Variants in CNTN5 observed in about 807,000 individuals in gnomAD.
The protein encoded by CNTN5 is contactin 5, also known as contactin-5.
A neutral mutation model predicts 129.1 loss-of-function variants in CNTN5; 77 were observed. The ratio of observed to expected loss-of-function variants is 0.60; its 90% confidence interval spans 0.50 to 0.72. CNTN5 has a LOEUF of 0.72. CNTN5 is among the 30% of genes least tolerant of loss of function. The probability of loss-of-function intolerance (pLI) is 0.00; values close to 1 mark genes in which losing one functional copy is unlikely to be tolerated. For missense variants in CNTN5, 1,478 were observed against 1,328.8 expected (o/e 1.11, Z -1.75); for synonymous variants, 509 against 465.6 (o/e 1.09, Z -1.20).
chr11:99,440,354 G>A (rs928003675), intron 2 of CNTN5, among the ~76,000 whole-genome samples: 2 of 151,744 alleles, frequency 1.3e-5, no homozygotes, highest in African/African-American at 2.4e-5. Context: ...TGAACTGTTT[G>A]GTTTGAACAT....
intron 20 of CNTN5, among the ~76,000 whole-genome samples, chr11:100,307,220 A>G (rs1951371664): frequency 6.6e-6 from 1 of 151,616 alleles, no homozygotes; most frequent in Non-Finnish European, 1.5e-5. Flanking sequence ...AATCTTTGCT[A>G]TATGGTTCCA....
intron 18 of CNTN5, among the ~76,000 whole-genome samples, chr11:100,287,059 A>C (rs1431709101): frequency 6.6e-6 from 1 of 152,124 alleles, no homozygotes; most frequent in Non-Finnish European, 1.5e-5. Context: ...TTAGAGAAAA[A>C]AGAATAAAAA....
chr11:99,942,549 C>T (rs1950463490), intron 7 of CNTN5, among the ~76,000 whole-genome samples: 1 of 152,082 alleles, frequency 6.6e-6, no homozygotes, highest in Non-Finnish European at 1.5e-5. Context: ...TTCTGGGATA[C>T]ATGTGCAGAA....
chr11:99,527,555 C>A (rs550548918), intron 2 of CNTN5, among the ~76,000 whole-genome samples: 1 of 152,012 alleles, frequency 6.6e-6, no homozygotes, highest in East Asian at 1.9e-4. Context: ...AAAAATAGAG[C>A]AACTTCTCCC....
At chr11:99,238,702 A>T (rs953652589) in intron 1 of CNTN5, among the ~76,000 whole-genome samples, 17 of 152,306 alleles carry the variant, frequency 1.1e-4, no homozygotes, top group Admixed American at 9.1e-4. Context: ...CTCCAAGAAT[A>T]GCATGTTTCT....
chr11:99,957,079 T>C (rs1555166603), intron 8 of CNTN5, 70 bp downstream of exon 8: 5 of 1,063,064 alleles, frequency 4.7e-6, no homozygotes, highest in Non-Finnish European at 6.5e-6. Flanking sequence ...TTAGTGTGTG[T>C]TTTTTTTTTA....
intron 1 of CNTN5, among the ~76,000 whole-genome samples, chr11:99,085,911 T>G (rs2135299328): frequency 6.6e-6 from 1 of 152,264 alleles, no homozygotes; most frequent in Admixed American, 6.5e-5. Context: ...CATATTTAGA[T>G]ATATAAATAC....
At chr11:99,844,714 T>G in intron 4 of CNTN5, 138 bp from the exon 5 acceptor site, 1 of 725,612 alleles carries the variant, frequency 1.4e-6, no homozygotes, top group East Asian at 2.7e-5. Flanking sequence ...TTTCTAGCTA[T>G]TCCTTCTTTT....
intron 2 of CNTN5, among the ~76,000 whole-genome samples, chr11:99,465,234 G>T (rs1944884591): frequency 6.6e-6 from 1 of 152,174 alleles, no homozygotes. Context: ...TTACTGATCT[G>T]TGTTCTTCAG....
intron 13 of CNTN5, among the ~76,000 whole-genome samples, chr11:100,091,515 G>A (rs1403840305): frequency 1.5e-5 from 2 of 137,894 alleles, no homozygotes; most frequent in Non-Finnish European, 3.0e-5. Flanking sequence ...TGCAAACTCC[G>A]CCTCCTGGGT....
chr11:99,458,889 G>C (rs1220539716), intron 2 of CNTN5, among the ~76,000 whole-genome samples: 1 of 151,986 alleles, frequency 6.6e-6, no homozygotes, highest in Non-Finnish European at 1.5e-5. Flanking sequence ...TGTACTGTAA[G>C]AAGGAATTGC....
intron 20 of CNTN5, among the ~76,000 whole-genome samples, chr11:100,306,031 T>G (rs1464518842): frequency 1.3e-5 from 2 of 151,274 alleles, no homozygotes; most frequent in Non-Finnish European, 3.0e-5. Context: ...TTCAAAGCTG[T>G]CCTGGGCCAA....
intron 21 of CNTN5, among the ~76,000 whole-genome samples, chr11:100,329,960 G>A (rs573110078): frequency 6.6e-6 from 1 of 152,232 alleles, no homozygotes; most frequent in African/African-American, 2.4e-5. Context: ...CACCAGCAAT[G>A]GATCCAAACC....
chr11:99,048,180 G>A (rs1234352426), intron 1 of CNTN5, among the ~76,000 whole-genome samples: 1 of 152,024 alleles, frequency 6.6e-6, no homozygotes, highest in Non-Finnish European at 1.5e-5. Context: ...TTAAATGATA[G>A]TAAATCAGAC....
At chr11:100,134,851 T>G (rs1477559892) in intron 13 of CNTN5, among the ~76,000 whole-genome samples, 3 of 152,132 alleles carry the variant, frequency 2.0e-5, no homozygotes, top group African/African-American at 7.2e-5. Context: ...GTATTTCAGT[T>G]GTATTTTATT....
chr11:99,242,563 G>A (rs186503364), intron 1 of CNTN5, among the ~76,000 whole-genome samples: 106 of 152,030 alleles, frequency 7.0e-4, no homozygotes, highest in African/African-American at 2.3e-3. Context: ...GCTGAGGTTT[G>A]AGATACAAAA....
intron 3 of CNTN5, among the ~76,000 whole-genome samples, chr11:99,596,716 CTT>C (rs1170300155): frequency 1.3e-5 from 2 of 152,124 alleles, no homozygotes; most frequent in East Asian, 3.9e-4. Flanking sequence ...AGCCAATTCT[CTT>C]TTCAGAATTC....
chr11:100,004,357 C>T (rs966878156), intron 9 of CNTN5, among the ~76,000 whole-genome samples: 2 of 152,114 alleles, frequency 1.3e-5, no homozygotes, highest in Admixed American at 1.3e-4. Context: ...TCTCTCTCCC[C>T]CTGTTCTTTC....
intron 3 of CNTN5, among the ~76,000 whole-genome samples, chr11:99,738,306 C>T (rs1943776279): frequency 6.6e-6 from 1 of 152,144 alleles, no homozygotes; most frequent in Non-Finnish European, 1.5e-5. Context: ...TGGCCACCCA[C>T]AAGCTAAGCA....
Sources: gnomAD v4.1 joint callset for allele counts (sites outside exome capture counted in the v4.1 genomes callset) on GRCh38, gnomAD v4.1.1 for gene constraint, MANE v1.5 for transcripts, NCBI Gene and HGNC (gene_info 2026-07-23, HGNC 2026-07-21) for gene names.